LOC101059915: variants seen among roughly 807,000 people sequenced by gnomAD.
chrX:71,671,311 C>T, the LOC101059915 span: 2 of 1,093,197 alleles, frequency 1.8e-6, no homozygotes, highest in Non-Finnish European at 2.4e-6. Flanking sequence ...GCTGTGGGCT[C>T]ACCCTGGCTG....
the LOC101059915 span, chrX:71,668,335 C>T: frequency 5.3e-6 from 6 of 1,138,569 alleles, no homozygotes; most frequent in Non-Finnish European, 7.0e-6. Context: ...CTGGGAGAAC[C>T]CAGAAAGGGG....
the LOC101059915 span, chrX:71,669,048 G>A: frequency 3.9e-5 from 45 of 1,149,210 alleles, no homozygotes; most frequent in Middle Eastern, 2.7e-4. Context: ...AAGTGAGTAG[G>A]TTCTCTTCGC....
chrX:71,670,777 G>T, the LOC101059915 span: 4 of 1,080,939 alleles, frequency 3.7e-6, no homozygotes, highest in Non-Finnish European at 4.8e-6. Flanking sequence ...CTGGGGAAGA[G>T]AACCAAGCAG....
At chrX:71,671,282 G>C in the LOC101059915 span, 13 of 1,152,338 alleles carry the variant, frequency 1.1e-5, no homozygotes, top group African/African-American at 2.3e-4. Flanking sequence ...CCTTTCCACA[G>C]TCCCAGTAGC....
the LOC101059915 span, chrX:71,670,828 G>T: frequency 1.3e-6 from 1 of 754,167 alleles, no homozygotes; most frequent in Non-Finnish European, 1.6e-6. Flanking sequence ...AGCTAGGGGT[G>T]TGCACAGACA....
At chrX:71,669,637 G>A in the LOC101059915 span, 5 of 969,460 alleles carry the variant, frequency 5.2e-6, no homozygotes, top group Middle Eastern at 2.9e-4. Flanking sequence ...CAACATCAGA[G>A]CTCCCCAAGT....
the LOC101059915 span, chrX:71,670,475 G>C: frequency 2.1e-5 from 23 of 1,091,441 alleles, no homozygotes; most frequent in Non-Finnish European, 2.4e-5. Flanking sequence ...TTTCCATTGA[G>C]GGTTTTGTGC....
chrX:71,671,521 CAT>C, the LOC101059915 span: 1 of 263,212 alleles, frequency 3.8e-6, no homozygotes, highest in Non-Finnish European at 6.8e-6. Flanking sequence ...AAGTTGTTCT[CAT>C]ATTCTGTGGT....
the LOC101059915 span, chrX:71,668,348 C>G: frequency 8.8e-7 from 1 of 1,140,918 alleles, no homozygotes. Flanking sequence ...GAAAGGGGCT[C>G]GAAGAGCAGA....
the LOC101059915 span, chrX:71,670,203 C>G: frequency 7.1e-5 from 82 of 1,155,029 alleles, 1 homozygote; most frequent in South Asian, 1.9e-4. Flanking sequence ...GACCCTGCTA[C>G]GCCCTTTCCA....
the LOC101059915 span, chrX:71,670,826 G>A: frequency 1.3e-6 from 1 of 754,180 alleles, no homozygotes; most frequent in East Asian, 1.5e-4. Flanking sequence ...TCAGCTAGGG[G>A]TGTGCACAGA....
At chrX:71,668,936 AC>A in the LOC101059915 span, 2 of 1,148,205 alleles carry the variant, frequency 1.7e-6, no homozygotes, top group Non-Finnish European at 2.3e-6. Context: ...GAGCCCAAGC[AC>A]AGCAGCCCTG....
the LOC101059915 span, chrX:71,670,112 C>T: frequency 1.3e-6 from 1 of 765,142 alleles, no homozygotes; most frequent in Non-Finnish European, 1.9e-6. Flanking sequence ...ACAGGGAAGA[C>T]CGTCCCAGAG....
chrX:71,668,240 G>A, the LOC101059915 span: 1 of 1,119,409 alleles, frequency 8.9e-7, no homozygotes, highest in East Asian at 3.3e-5. Flanking sequence ...CCCAGTTGGA[G>A]AGGTGCGCTG....
the LOC101059915 span, chrX:71,668,756 T>G: frequency 4.7e-6 from 5 of 1,070,344 alleles, no homozygotes; most frequent in Non-Finnish European, 6.0e-6. Context: ...CGGGGCACTC[T>G]GGGAAGGAAG....
At chrX:71,669,009 C>T in the LOC101059915 span, 290 of 1,162,181 alleles carry the variant, frequency 2.5e-4, no homozygotes, top group African/African-American at 3.2e-3. Context: ...AAGATAATGA[C>T]CCAAATAGAG....
the LOC101059915 span, chrX:71,669,850 G>C: frequency 1.6e-6 from 1 of 618,720 alleles, no homozygotes; most frequent in Non-Finnish European, 2.2e-6. Context: ...CAGGAAATGG[G>C]GTGTCGACAG....
At chrX:71,671,345 G>A in the LOC101059915 span, 4 of 904,901 alleles carry the variant, frequency 4.4e-6, no homozygotes, top group Non-Finnish European at 6.0e-6. Context: ...GAGCTGCTCT[G>A]TTTCACAGGT....
chrX:71,670,391 GTC>G, the LOC101059915 span: 2 of 1,163,682 alleles, frequency 1.7e-6, no homozygotes, highest in South Asian at 1.9e-5. Context: ...TGGGATCCAT[GTC>G]CAGGTTAAAC....
Sources: gnomAD v4.1 joint callset for allele counts on GRCh38, gnomAD v4.1.1 for gene constraint, MANE v1.5 for transcripts.